Variants in NRAP observed in about 807,000 individuals in gnomAD.
The protein encoded by NRAP is nebulin-related-anchoring protein.
A neutral mutation model predicts 225.9 loss-of-function variants in NRAP; 189 were observed. That is an observed-to-expected ratio of 0.84 (90% CI 0.74 to 0.94). The LOEUF (loss-of-function observed/expected upper bound fraction) is 0.94, where lower values mean the gene tolerates loss of function less well. Among genes scored for constraint, NRAP ranks in the 40% least tolerant of loss-of-function variants. The pLI is 0.00. For missense variants in NRAP, 2,176 were observed against 2,168.7 expected (o/e 1.00, Z -0.07); for synonymous variants, 769 against 790.7 (o/e 0.97, Z 0.46).
chr10:113,614,414 G>A lies in NRAP; in HGVS notation c.3187-118C>T, dbSNP rs1000488496. The A allele has an allele frequency of 5.5e-6, 4 of 732,752 alleles. No individual in the cohort carries two copies. The Admixed American group carries it at 8.0e-5, about 15-fold the overall frequency. 45.4% of individuals were successfully genotyped at this position (732,752 alleles called of 1,614,324 possible). Reference sequence around the variant, plus strand: ...TTGACAGTAGCTGGGTGAGTTAAAAGAAAATGCGCGGGAGTCGTCAAAAGG... The same window carrying A: ...TTGACAGTAGCTGGGTGAGTTAAAAAAAAATGCGCGGGAGTCGTCAAAAGG... On this transcript the variant is annotated intron_variant, in intron 28 of 41. Coordinates refer to ENST00000359988, the MANE Select transcript of NRAP (RefSeq NM_198060.4).
chr10:113,597,345 A>T (rs1304419190), intron 36 of NRAP, among the ~76,000 whole-genome samples, 161 bp from the exon 37 acceptor site: 1 of 151,066 alleles, frequency 6.6e-6, no homozygotes, highest in Non-Finnish European at 1.5e-5. Flanking sequence ...GAGTATAAAA[A>T]GATTCAGCTG....
intron 37 of NRAP, among the ~76,000 whole-genome samples, chr10:113,595,995 C>T (rs1338818554): frequency 6.6e-6 from 1 of 152,220 alleles, no homozygotes; most frequent in East Asian, 1.9e-4. Flanking sequence ...AAACCAACAT[C>T]ATGGTTGGCC....
At chr10:113,628,781 T>C (rs1848418479) in intron 20 of NRAP, 136 bp downstream of exon 20, 2 of 598,502 alleles carry the variant, frequency 3.3e-6, no homozygotes, top group South Asian at 2.1e-5. Flanking sequence ...GCTACAGGTG[T>C]GAAATGAAGT....
rs1314425884 is a variant in NRAP, at chr10:113,650,018, A to G, written c.888+19T>C. ...CAAACATGGAAAAGAGCAGGTCAGG[A>G]GATCATTTTATCACATACCTGGCCA... On this transcript the variant is annotated intron_variant, in intron 9 of 41. Coordinates refer to ENST00000359988, the MANE Select transcript of NRAP (RefSeq NM_198060.4). 4 of 1,367,624 alleles carry G rather than the reference A, an allele frequency of 2.9e-6. No homozygotes were observed. Among genetic ancestry groups the G allele is most frequent in the East Asian group, 2.3e-5 (1 of 43,798 alleles). 84.7% of individuals were successfully genotyped at this position (1,367,624 alleles called of 1,614,324 possible).
intron 14 of NRAP, among the ~76,000 whole-genome samples, chr10:113,638,608 G>A (rs996371571): frequency 2.6e-5 from 4 of 152,206 alleles, no homozygotes; most frequent in Admixed American, 6.5e-5. Context: ...TACAGCAACA[G>A]AGAGCAGTCA....
intron 7 of NRAP, 29 bp from the exon 8 acceptor site, chr10:113,650,574 G>T: frequency 1.4e-6 from 2 of 1,414,248 alleles, no homozygotes; most frequent in Non-Finnish European, 2.0e-6. Flanking sequence ...TGAATCACAT[G>T]CCCCATGTTT....
chr10:113,638,215 T>G (rs1289939597), intron 14 of NRAP, among the ~76,000 whole-genome samples: 1 of 152,198 alleles, frequency 6.6e-6, no homozygotes, highest in African/African-American at 2.4e-5. Context: ...CTGCATTAAG[T>G]ATGTTACTGA....
At chr10:113,663,478 A>G (rs1850822931) in intron 1 of NRAP, 32 bp from the exon 2 acceptor site, 2 of 1,317,292 alleles carry the variant, frequency 1.5e-6, no homozygotes, top group Non-Finnish European at 2.2e-6. Context: ...TTTAGCAATT[A>G]CCCTTTTCCC....
intron 22 of NRAP, 63 bp from the exon 23 acceptor site, chr10:113,623,699 A>G: frequency 1.0e-6 from 1 of 995,042 alleles, no homozygotes; most frequent in African/African-American, 1.6e-5. Context: ...ACGTGAGAGC[A>G]TTTCTCTAGA....
chr10:113,659,895 T>C (rs112666867), intron 3 of NRAP, among the ~76,000 whole-genome samples: 2 of 152,178 alleles, frequency 1.3e-5, no homozygotes, highest in South Asian at 2.1e-4. Flanking sequence ...TTGTTTTTTA[T>C]TCAATTGTCA....
Position 113,631,866 on chromosome 10 carries a change from A to G in NRAP, c.1731T>C (p.Leu577=), listed in dbSNP as rs553605815. ...ATGAGAGGAAACGTACATTGCTAGCAAGCTCCCCAGAGGCTTTGGCGGCCA... is the reference window on the plus strand; with the variant it reads ...ATGAGAGGAAACGTACATTGCTAGCGAGCTCCCCAGAGGCTTTGGCGGCCA... ...SLLAAKASGE[L]ASNIKYKEEY... The change falls in exon 17 of 42, where the codon CTT becomes CTC. Residue 577 remains leucine, a synonymous_variant. Coordinates refer to ENST00000359988, the MANE Select transcript of NRAP (RefSeq NM_198060.4). The G allele has an allele frequency of 6.2e-7, 1 of 1,606,836 alleles. No individual in the cohort carries two copies. The highest frequency in any genetic ancestry group is 2.2e-5 in the East Asian group (1 of 44,866).
At chr10:113,627,716 A>G (rs1186745294) in intron 20 of NRAP, among the ~76,000 whole-genome samples, 3 of 152,242 alleles carry the variant, frequency 2.0e-5, no homozygotes, top group Non-Finnish European at 4.4e-5. Context: ...CTCATGGTCA[A>G]GAGCTGGGGC....
intron 38 of NRAP, among the ~76,000 whole-genome samples, chr10:113,595,053 C>T (rs1365071662): frequency 6.6e-6 from 1 of 152,234 alleles, no homozygotes; most frequent in African/African-American, 2.4e-5. Context: ...CCCCTGCTAA[C>T]AACAAGCCTG....
intron 27 of NRAP, among the ~76,000 whole-genome samples, chr10:113,615,353 G>A (rs966558319): frequency 6.6e-6 from 1 of 152,204 alleles, no homozygotes; most frequent in African/African-American, 2.4e-5. Flanking sequence ...AGATTTTGGA[G>A]AGGAGGAGTT....
intron 35 of NRAP, among the ~76,000 whole-genome samples, chr10:113,600,495 C>T (rs533335509): frequency 8.5e-5 from 13 of 152,198 alleles, no homozygotes; most frequent in Middle Eastern, 6.8e-3. Flanking sequence ...ACAGTTATTC[C>T]CATTCACAGA....
At position 113,610,498 on chromosome 10, in the gene NRAP, C is replaced by A; in HGVS notation, c.3564G>T (p.Glu1188Asp). The change falls in exon 31 of 42, where the codon GAG becomes GAT. Residue 1188 changes from glutamate to aspartate, a missense_variant. Glu to Asp is a conservative substitution (Grantham distance 45). Transcript: ENST00000359988. ...CCGATGCTTTCTTCCTCCCTTCAATCTCTAACGTGCCTGGAATGACACATG... is the reference window on the plus strand; with the variant it reads ...CCGATGCTTTCTTCCTCCCTTCAATATCTAACGTGCCTGGAATGACACATG... ...GVACVIPGTLEIEGRKKASEL... is the reference protein window; with the variant it reads ...GVACVIPGTLDIEGRKKASEL... 12 of 1,603,212 alleles carry A rather than the reference C, an allele frequency of 7.5e-6. No individual in the cohort carries two copies. The highest frequency in any genetic ancestry group is 1.0e-5 in the Non-Finnish European group (12 of 1,170,022).
In NRAP at chr10:113,643,049, A is replaced by G. The variant is rs1232138045; in HGVS notation, c.1111-11T>C. 4 of 1,313,536 alleles carry G rather than the reference A, an allele frequency of 3.0e-6. No individual in the cohort carries two copies. Among genetic ancestry groups the G allele is most frequent in the Non-Finnish European group, 4.4e-6 (4 of 906,070 alleles). The allele number at this position is 1,313,536 out of a possible 1,614,324, so 81.4% of individuals were successfully genotyped here. On this transcript the variant is annotated splice_polypyrimidine_tract_variant and intron_variant, in intron 11 of 41. Coordinates refer to ENST00000359988, the MANE Select transcript of NRAP (RefSeq NM_198060.4). ...CTTCTTATACTCCACCTTGGAAATC[A>G]AAACACCAGACACACAATAGAACCA...
chr10:113,600,965 G>A (rs146337177), intron 35 of NRAP, among the ~76,000 whole-genome samples: 7 of 152,286 alleles, frequency 4.6e-5, no homozygotes, highest in African/African-American at 1.4e-4. Context: ...TCTACCTTAG[G>A]TCACACAGCT....
At chr10:113,634,028 A>G in intron 15 of NRAP, 84 bp downstream of exon 15, 2 of 852,118 alleles carry the variant, frequency 2.3e-6, no homozygotes. Context: ...ATGAAAGTCA[A>G]ATCCTTGGAG....
Sources: gnomAD v4.1 joint callset for allele counts (sites outside exome capture counted in the v4.1 genomes callset) on GRCh38, gnomAD v4.1.1 for gene constraint, MANE v1.5 for transcripts, NCBI Gene and HGNC (gene_info 2026-07-23, HGNC 2026-07-21) for gene names.